Variants in FAT3 observed in about 807,000 individuals in gnomAD.
FAT3 encodes the protein FAT atypical cadherin 3, also known as protocadherin Fat 3.
A neutral mutation model predicts 310.2 loss-of-function variants in FAT3; 95 were observed. The observed-to-expected ratio is 0.31, with a 90% CI of 0.26 to 0.36. The LOEUF (loss-of-function observed/expected upper bound fraction) is 0.36, where lower values mean the gene tolerates loss of function less well. Among genes scored for constraint, FAT3 ranks in the 10% least tolerant of loss-of-function variants. The pLI, the probability that FAT3 is intolerant of heterozygous loss-of-function variation, is 1.00. For synonymous variants in FAT3, 2,314 were observed against 2,192.9 expected (o/e 1.06, Z -1.54); for missense variants, 5,408 against 5,715.6 (o/e 0.95, Z 1.74).
chr11:92,712,998 A>G (rs1465356832), intron 4 of FAT3, among the ~76,000 whole-genome samples: 2 of 152,120 alleles, frequency 1.3e-5, no homozygotes, highest in Non-Finnish European at 2.9e-5. Flanking sequence ...TGAAATCAGC[A>G]CTCTGACCAA....
chr11:92,606,671 C>T (rs1940313492), intron 3 of FAT3, among the ~76,000 whole-genome samples: 1 of 152,112 alleles, frequency 6.6e-6, no homozygotes, highest in South Asian at 2.1e-4. Flanking sequence ...TTTCTGAGGT[C>T]GCTATAATTA....
intron 2 of FAT3, among the ~76,000 whole-genome samples, chr11:92,476,577 G>A (rs762228396): frequency 2.0e-5 from 3 of 152,302 alleles, no homozygotes; most frequent in African/African-American, 4.8e-5. Flanking sequence ...GAATACAGCC[G>A]TACTTGGGGG....
intron 3 of FAT3, among the ~76,000 whole-genome samples, chr11:92,584,212 G>A (rs562017031): frequency 6.6e-4 from 101 of 152,092 alleles, no homozygotes; most frequent in African/African-American, 2.1e-3. Context: ...CAGGTGCGCC[G>A]TTCATCCCAT....
chr11:92,476,946 T>G (rs983860322), intron 2 of FAT3, among the ~76,000 whole-genome samples: 4 of 152,232 alleles, frequency 2.6e-5, no homozygotes, highest in African/African-American at 9.6e-5. Context: ...AGCTTTGATT[T>G]GTGTAGACAG....
chr11:92,641,394 A>T (rs904465049), intron 3 of FAT3, among the ~76,000 whole-genome samples: 6 of 152,222 alleles, frequency 3.9e-5, no homozygotes, highest in African/African-American at 1.4e-4. Flanking sequence ...GGCTTAAAAC[A>T]TCAGGCATTT....
intron 3 of FAT3, among the ~76,000 whole-genome samples, chr11:92,573,608 C>T (rs193040973): frequency 5.5e-4 from 83 of 151,950 alleles, no homozygotes; most frequent in Non-Finnish European, 1.0e-3. Flanking sequence ...GATGAGTGTC[C>T]TTATAAGGGA....
At chr11:92,688,228 A>G (rs555985198) in intron 3 of FAT3, among the ~76,000 whole-genome samples, 1 of 152,206 alleles carries the variant, frequency 6.6e-6, no homozygotes, top group East Asian at 1.9e-4. Context: ...TAATAAGTAA[A>G]GTCAAAACAA....
chr11:92,397,021 T>C (rs1252404754), intron 2 of FAT3, among the ~76,000 whole-genome samples: 3 of 152,148 alleles, frequency 2.0e-5, no homozygotes, highest in African/African-American at 4.8e-5. Context: ...TTTGTTACTT[T>C]CATGGGCCAC....
chr11:92,767,624 ATGTG>A (rs1946347964), intron 6 of FAT3, among the ~76,000 whole-genome samples: 1 of 151,986 alleles, frequency 6.6e-6, no homozygotes, highest in Admixed American at 6.6e-5. Context: ...TCATTCCTGC[ATGTG>A]TGTGTGTGAC....
chr11:92,767,721 A>T (rs1294403606), intron 6 of FAT3, among the ~76,000 whole-genome samples: 1 of 152,120 alleles, frequency 6.6e-6, no homozygotes, highest in South Asian at 2.1e-4. Flanking sequence ...GTGCTGCTGT[A>T]TGTTTTCATT....
chr11:92,819,658 AGTT>A (rs1459555748), intron 13 of FAT3, among the ~76,000 whole-genome samples: 1 of 152,234 alleles, frequency 6.6e-6, no homozygotes, highest in Non-Finnish European at 1.5e-5. Flanking sequence ...GCATTTTTTA[AGTT>A]GTTGTATAGT....
intron 2 of FAT3, among the ~76,000 whole-genome samples, chr11:92,508,868 A>G (rs1163358493): frequency 1.3e-5 from 2 of 152,180 alleles, no homozygotes; most frequent in Non-Finnish European, 2.9e-5. Context: ...CATCCACCTG[A>G]AAATGTTCTT....
intron 13 of FAT3, among the ~76,000 whole-genome samples, chr11:92,827,289 G>T (rs977764682): frequency 6.6e-6 from 1 of 152,150 alleles, no homozygotes; most frequent in Non-Finnish European, 1.5e-5. Flanking sequence ...TTTTTCCTTT[G>T]TTGATTCTGG....
chr11:92,532,758 T>G (rs72974419), intron 3 of FAT3, among the ~76,000 whole-genome samples: 6,459 of 152,272 alleles, frequency 0.042, 182 homozygotes, highest in Non-Finnish European at 0.064. Flanking sequence ...TTGAAATGCT[T>G]AAGCAGCTCC....
intron 3 of FAT3, among the ~76,000 whole-genome samples, chr11:92,636,767 A>G (rs1262147461): frequency 6.6e-6 from 1 of 152,198 alleles, no homozygotes; most frequent in Non-Finnish European, 1.5e-5. Flanking sequence ...TATATTGCTC[A>G]GGAAGCCTGT....
chr11:92,802,678 G>A (rs777473669), intron 10 of FAT3, among the ~76,000 whole-genome samples: 24 of 151,960 alleles, frequency 1.6e-4, no homozygotes, highest in Non-Finnish European at 1.2e-4. Context: ...TTGGGGGGTG[G>A]GTTAAAGCTA....
intron 1 of FAT3, among the ~76,000 whole-genome samples, chr11:92,226,229 CGGCTTGCATGAT>C (rs754657866): frequency 4.5e-4 from 68 of 152,158 alleles, no homozygotes; most frequent in Non-Finnish European, 5.7e-4. Flanking sequence ...TCTGGCCCCC[CGGCTTGCATGAT>C]GGCGAGCCCG....
intron 2 of FAT3, among the ~76,000 whole-genome samples, chr11:92,382,463 C>T (rs992208085): frequency 6.6e-6 from 1 of 152,112 alleles, no homozygotes; most frequent in Admixed American, 6.6e-5. Flanking sequence ...CAGGAAGGCA[C>T]CTCTAACAAA....
In FAT3 at chr11:92,716,285, T is replaced by C. The variant is rs1315303045; in HGVS notation, c.3669+18840T>C. ...AGAAGCTGGTGTTCAGTAGCAGGCA[T>C]GTATAGACATCATAAGTTTGGTTGG... On this transcript the variant is annotated intron_variant, in intron 4 of 27. Transcript: ENST00000525166. Among the ~76,000 whole-genome samples, 5 of 152,280 alleles carry C rather than the reference T, an allele frequency of 3.3e-5. No homozygotes were observed. The East Asian group carries it at 9.7e-4, about 29-fold the overall frequency.
Sources: gnomAD v4.1 joint callset for allele counts (sites outside exome capture counted in the v4.1 genomes callset) on GRCh38, gnomAD v4.1.1 for gene constraint, MANE v1.5 for transcripts, NCBI Gene and HGNC (gene_info 2026-07-23, HGNC 2026-07-21) for gene names.